CTNNA3: variants seen among roughly 807,000 people sequenced by gnomAD.
CTNNA3 encodes catenin alpha 3.
A neutral mutation model predicts 95.7 loss-of-function variants in CTNNA3; 76 were observed. That is an observed-to-expected ratio of 0.79 (90% CI 0.66 to 0.96). The LOEUF (loss-of-function observed/expected upper bound fraction) is 0.96, where lower values mean the gene tolerates loss of function less well. Ranked by LOEUF, CTNNA3 falls within the 40% of genes least tolerant of loss-of-function variation. The pLI is 0.00. For missense variants in CTNNA3, 1,191 were observed against 1,089.8 expected (o/e 1.09, Z -1.31); for synonymous variants, 431 against 374.4 (o/e 1.15, Z -1.74).
At position 67,221,950 on chromosome 10, in the gene CTNNA3, G is replaced by A. The variant is rs190166129; in HGVS notation, c.580-2080C>T. 8.2e-3 allele frequency among the ~76,000 whole-genome samples: 1,248 copies of A among 152,240 alleles called. 6 individuals carry two copies. Among genetic ancestry groups the A allele is most frequent in the Non-Finnish European group, 0.012 (849 of 68,020 alleles). Reference sequence around the variant, plus strand: ...TACTGATCATGACAATAGTCTTTGAGGGAATGAGGCTGCTATTATTAGTCC... The same window carrying A: ...TACTGATCATGACAATAGTCTTTGAAGGAATGAGGCTGCTATTATTAGTCC... On this transcript the variant is annotated intron_variant, in intron 5 of 17. Transcript: ENST00000433211.
chr10:67,430,657 C>T (rs951175076), intron 5 of CTNNA3, among the ~76,000 whole-genome samples: 1 of 151,820 alleles, frequency 6.6e-6, no homozygotes, highest in African/African-American at 2.4e-5. Flanking sequence ...GTTATTAAAA[C>T]TTGGTATGTG....
In CTNNA3 at chr10:66,459,615, G is replaced by T. The variant is rs564510147; in HGVS notation, c.1531+61002C>A. On this transcript the variant is annotated intron_variant, in intron 11 of 17. Coordinates refer to ENST00000433211, the MANE Select transcript of CTNNA3 (RefSeq NM_013266.4). ...TACATTCTGAGAAATATGTTGTTAG[G>T]TGATTTTGTCATTGTGCAAACATCA... 9.6e-4 allele frequency among the ~76,000 whole-genome samples: 146 copies of T among 152,218 alleles called. 2 individuals carry two copies. The South Asian group carries it at 0.029, about 31-fold the overall frequency.
intron 9 of CTNNA3, among the ~76,000 whole-genome samples, chr10:66,676,938 C>G (rs1231596770): frequency 6.6e-6 from 1 of 152,068 alleles, no homozygotes; most frequent in Non-Finnish European, 1.5e-5. Flanking sequence ...ATGGCACAGT[C>G]TAGTATGTTA....
chr10:67,260,412 A>G (rs1866550759), intron 5 of CTNNA3, among the ~76,000 whole-genome samples: 1 of 152,214 alleles, frequency 6.6e-6, no homozygotes, highest in South Asian at 2.1e-4. Context: ...TTGGCAACAA[A>G]TATAAAATAG....
intron 17 of CTNNA3, among the ~76,000 whole-genome samples, chr10:65,946,032 T>C (rs1360887043): frequency 6.6e-6 from 1 of 152,274 alleles, no homozygotes; most frequent in East Asian, 1.9e-4. Flanking sequence ...TAAATGTACA[T>C]ACTTTAGAAT....
At chr10:67,571,636 G>T (rs778701436) in intron 3 of CTNNA3, among the ~76,000 whole-genome samples, 56 of 152,262 alleles carry the variant, frequency 3.7e-4, no homozygotes, top group Admixed American at 6.5e-4. Flanking sequence ...TGCCCAAGTA[G>T]CAGAACCTAA....
At chr10:67,053,338 T>C (rs1352688743) in intron 7 of CTNNA3, among the ~76,000 whole-genome samples, 1 of 152,190 alleles carries the variant, frequency 6.6e-6, no homozygotes. Flanking sequence ...CTGATTCCAT[T>C]GATCTGAGGT....
intron 9 of CTNNA3, among the ~76,000 whole-genome samples, chr10:66,752,117 A>T (rs1199768805): frequency 6.6e-6 from 1 of 152,188 alleles, no homozygotes; most frequent in African/African-American, 2.4e-5. Context: ...TTTACATGGA[A>T]AAGCTAAAGA....
intron 15 of CTNNA3, among the ~76,000 whole-genome samples, chr10:66,019,447 C>T (rs1284330692): frequency 6.6e-6 from 1 of 152,048 alleles, no homozygotes; most frequent in African/African-American, 2.4e-5. Flanking sequence ...CAGATCCCCC[C>T]CAAAAGTGGG....
intron 9 of CTNNA3, among the ~76,000 whole-genome samples, chr10:66,745,882 A>C (rs55782235): frequency 0.078 from 11,864 of 151,884 alleles, 723 homozygotes; most frequent in East Asian, 0.23. Flanking sequence ...TACAGGCGTG[A>C]GCCACAGCGC....
intron 7 of CTNNA3, among the ~76,000 whole-genome samples, chr10:67,114,088 AT>A (rs1859047141): frequency 6.6e-6 from 1 of 151,790 alleles, no homozygotes; most frequent in Non-Finnish European, 1.5e-5. Context: ...AAAAAAAAAA[AT>A]TCAAAACAGA....
At chr10:66,074,854 C>A (rs913323051) in intron 14 of CTNNA3, among the ~76,000 whole-genome samples, 10 of 151,822 alleles carry the variant, frequency 6.6e-5, no homozygotes, top group African/African-American at 2.2e-4. Flanking sequence ...TCTCCTTCCC[C>A]TAGAAAATAA....
chr10:66,962,497 T>C (rs7921811), intron 7 of CTNNA3, among the ~76,000 whole-genome samples: 34,665 of 151,124 alleles, frequency 0.23, 4,259 homozygotes, highest in East Asian at 0.37. Flanking sequence ...GCAATCTCCA[T>C]CTCCCGGGTT....
At chr10:67,648,962 C>A (rs1313663090) in intron 1 of CTNNA3, among the ~76,000 whole-genome samples, 2 of 152,156 alleles carry the variant, frequency 1.3e-5, no homozygotes, top group Non-Finnish European at 2.9e-5. Context: ...CACTTTGATT[C>A]CTTCTAACAC....
intron 7 of CTNNA3, among the ~76,000 whole-genome samples, chr10:67,083,509 C>T (rs1857150265): frequency 6.6e-6 from 1 of 152,064 alleles, no homozygotes; most frequent in African/African-American, 2.4e-5. Flanking sequence ...CAACAATGTG[C>T]TAATTTTAAC....
chr10:66,607,012 A>G (rs189673565), intron 10 of CTNNA3, among the ~76,000 whole-genome samples: 58 of 152,228 alleles, frequency 3.8e-4, no homozygotes, highest in African/African-American at 1.3e-3. Flanking sequence ...GAAAAAATTA[A>G]TAAGTTAGAT....
At chr10:66,098,764 C>T (rs2081499140) in intron 14 of CTNNA3, 1 of 152,182 alleles carries the variant, frequency 6.6e-6, no homozygotes, top group African/African-American at 2.4e-5. Context: ...CAAACTCAAA[C>T]TCCTGTGTCA....
In CTNNA3 at chr10:67,168,981, T is replaced by A. The variant is rs144590654; in HGVS notation, c.1047+11336A>T. On this transcript the variant is annotated intron_variant, in intron 7 of 17. Transcript: ENST00000433211. ...GACTTACAAAAATCACTAGTATTCCTACACACCAATAACAGCCAAACTGAG... is the reference window on the plus strand; with the variant it reads ...GACTTACAAAAATCACTAGTATTCCAACACACCAATAACAGCCAAACTGAG... 1.1e-3 allele frequency among the ~76,000 whole-genome samples: 161 copies of A among 152,236 alleles called. 4 individuals carry two copies. The highest frequency in any genetic ancestry group is 9.4e-3 in the Admixed American group (143 of 15,294).
intron 11 of CTNNA3, among the ~76,000 whole-genome samples, chr10:66,434,569 T>C (rs2093323420): frequency 6.6e-6 from 1 of 152,168 alleles, no homozygotes; most frequent in Admixed American, 6.5e-5. Flanking sequence ...GTTTTCTAGA[T>C]ATACAATCAT....
Sources: gnomAD v4.1 joint callset for allele counts (sites outside exome capture counted in the v4.1 genomes callset) on GRCh38, gnomAD v4.1.1 for gene constraint, MANE v1.5 for transcripts, NCBI Gene and HGNC (gene_info 2026-07-23, HGNC 2026-07-21) for gene names.